The following PLGRKT variants were observed in gnomAD, a reference collection of about 807,000 sequenced individuals.
PLGRKT encodes the protein plasminogen receptor with a C-terminal lysine, also known as plasminogen receptor (KT).
PLGRKT carries 22 observed loss-of-function variants against 18.5 expected under a neutral mutation model. The observed-to-expected ratio is 1.19, with a 90% CI of 0.85 to 1.70. The LOEUF is 1.70. Among genes scored for constraint, PLGRKT ranks in the 40% most tolerant of loss-of-function variants. The pLI, the probability that PLGRKT is intolerant of heterozygous loss-of-function variation, is 0.00. For synonymous variants in PLGRKT, 72 were observed against 52.8 expected (o/e 1.36, Z -1.58); for missense variants, 235 against 174.4 (o/e 1.35, Z -1.96).
At chr9:5,398,987 T>G (rs1402988551) in intron 3 of PLGRKT, among the ~76,000 whole-genome samples, 1 of 151,166 alleles carries the variant, frequency 6.6e-6, no homozygotes, top group Non-Finnish European at 1.5e-5. Context: ...AGAAAGAGAG[T>G]TACTCATAGA....
At chr9:5,383,887 AG>A (rs1246867700) in intron 3 of PLGRKT, among the ~76,000 whole-genome samples, 1 of 152,190 alleles carries the variant, frequency 6.6e-6, no homozygotes, top group African/African-American at 2.4e-5. Context: ...TAGTGGATAC[AG>A]GTGTGCCATT....
At chr9:5,413,934 G>A (rs1818411414) in intron 3 of PLGRKT, among the ~76,000 whole-genome samples, 1 of 152,114 alleles carries the variant, frequency 6.6e-6, no homozygotes, top group African/African-American at 2.4e-5. Context: ...AAAATGCAAA[G>A]TAAACAATGT....
chr9:5,366,759 G>A (rs1051472651), intron 3 of PLGRKT, among the ~76,000 whole-genome samples: 2 of 152,026 alleles, frequency 1.3e-5, no homozygotes, highest in African/African-American at 4.8e-5. Context: ...GAGCAATCAG[G>A]CAAGAGAAAG....
chr9:5,379,750 G>A (rs1438070407), intron 3 of PLGRKT, among the ~76,000 whole-genome samples: 2 of 152,224 alleles, frequency 1.3e-5, no homozygotes, highest in East Asian at 1.9e-4. Flanking sequence ...GTCTCATATA[G>A]ATAAAAATTG....
chr9:5,376,198 G>A (rs1339040772), intron 3 of PLGRKT, among the ~76,000 whole-genome samples: 1 of 152,196 alleles, frequency 6.6e-6, no homozygotes, highest in East Asian at 1.9e-4. Context: ...GGAGGGAGTG[G>A]AGAGTGGGGA....
chr9:5,427,655 A>C (rs1349815228), intron 3 of PLGRKT, among the ~76,000 whole-genome samples: 1 of 152,254 alleles, frequency 6.6e-6, no homozygotes, highest in Non-Finnish European at 1.5e-5. Context: ...TCAGGTATCC[A>C]CTGGGGATCT....
intron 3 of PLGRKT, among the ~76,000 whole-genome samples, chr9:5,369,665 T>C (rs1179332968): frequency 6.6e-6 from 1 of 152,118 alleles, no homozygotes; most frequent in African/African-American, 2.4e-5. Context: ...ATGTTCACAA[T>C]AGCAAAGATT....
At chr9:5,402,825 G>A (rs948487915) in intron 3 of PLGRKT, among the ~76,000 whole-genome samples, 1 of 151,846 alleles carries the variant, frequency 6.6e-6, no homozygotes, top group African/African-American at 2.4e-5. Context: ...AGTCCTTAAC[G>A]TTTTTGAAAT....
At chr9:5,437,697 T>C (rs1818988044) in intron 1 of PLGRKT, 92 bp downstream of exon 1, 1 of 152,304 alleles carries the variant, frequency 6.6e-6, no homozygotes, top group Admixed American at 6.5e-5. Context: ...CGCCCAGCGC[T>C]GCCTGGCAAG....
chr9:5,412,173 T>C (rs1818378314), intron 3 of PLGRKT, among the ~76,000 whole-genome samples: 1 of 152,234 alleles, frequency 6.6e-6, no homozygotes, highest in Non-Finnish European at 1.5e-5. Flanking sequence ...TAGTATGTGA[T>C]ACAGGTAGTA....
At chr9:5,402,393 G>A (rs1818171371) in intron 3 of PLGRKT, among the ~76,000 whole-genome samples, 1 of 151,880 alleles carries the variant, frequency 6.6e-6, no homozygotes, top group Non-Finnish European at 1.5e-5. Context: ...GAAGGAAACA[G>A]TATTAACCAG....
chr9:5,403,316 C>T (rs1021571528), intron 3 of PLGRKT, among the ~76,000 whole-genome samples: 3 of 150,616 alleles, frequency 2.0e-5, no homozygotes, highest in Admixed American at 6.6e-5. Flanking sequence ...CTCTGCCTCC[C>T]GGGTTCAAGT....
chr9:5,419,658 A>G (rs1818535754), intron 3 of PLGRKT, among the ~76,000 whole-genome samples: 1 of 152,210 alleles, frequency 6.6e-6, no homozygotes, highest in Admixed American at 6.5e-5. Context: ...CAAAACCAGA[A>G]TGAGATATAT....
At chr9:5,424,827 C>G (rs1408732320) in intron 3 of PLGRKT, among the ~76,000 whole-genome samples, 1 of 150,784 alleles carries the variant, frequency 6.6e-6, no homozygotes, top group East Asian at 1.9e-4. Context: ...GCCACCACGC[C>G]TGACTCATCT....
intron 3 of PLGRKT, among the ~76,000 whole-genome samples, chr9:5,374,161 G>A (rs1001475467): frequency 6.6e-6 from 1 of 152,124 alleles, no homozygotes; most frequent in Non-Finnish European, 1.5e-5. Flanking sequence ...ATCTCCACTG[G>A]GAAATGGAGA....
chr9:5,431,942 GCTTT>G lies in PLGRKT; in HGVS notation c.32_35del (p.Glu11AlafsTer2), dbSNP rs1425219044. The G allele has an allele frequency of 3.2e-6, 5 of 1,551,472 alleles. No homozygotes were observed. Among genetic ancestry groups the G allele is most frequent in the Non-Finnish European group, 4.4e-6 (5 of 1,124,526 alleles). On this transcript the variant is annotated frameshift_variant, in exon 3 of 6. Coordinates refer to ENST00000223864, the MANE Select transcript of PLGRKT (RefSeq NM_018465.4). LOFTEE classifies it high-confidence loss of function. Reference sequence around the variant, plus strand: ...GCATGAACTCCTTTTGATTTTTCATGCTTTCATTCATAGATTTTGAAAATATAAA... The same window carrying G: ...GCATGAACTCCTTTTGATTTTTCATGCATTCATAGATTTTGAAAATATAAA...
chr9:5,386,395 T>C (rs890818915), intron 3 of PLGRKT, among the ~76,000 whole-genome samples: 55 of 151,984 alleles, frequency 3.6e-4, no homozygotes, highest in African/African-American at 1.3e-3. Context: ...TGGCAGTGTC[T>C]GGGGACACTT....
chr9:5,360,762 T>G (rs1230663731), intron 5 of PLGRKT, among the ~76,000 whole-genome samples: 1 of 152,246 alleles, frequency 6.6e-6, no homozygotes, highest in East Asian at 1.9e-4. Context: ...TTTATTACCT[T>G]TGTTTTAAAC....
At chr9:5,374,570 G>C (rs539981733) in intron 3 of PLGRKT, among the ~76,000 whole-genome samples, 2 of 152,272 alleles carry the variant, frequency 1.3e-5, no homozygotes, top group South Asian at 4.1e-4. Flanking sequence ...ACACACTTTA[G>C]AGTCACATGA....
Sources: allele counts gnomAD v4.1 joint callset (sites outside exome capture counted in the v4.1 genomes callset), GRCh38; gene constraint gnomAD v4.1.1; transcripts MANE v1.5; gene names NCBI Gene and HGNC (gene_info 2026-07-23, HGNC 2026-07-21).